FAM200B: variants seen among roughly 807,000 people sequenced by gnomAD.
FAM200B encodes zinc finger BED-type containing 11.
Under a neutral mutation model 33.1 loss-of-function variants are expected in FAM200B, and 32 were observed. That is an observed-to-expected ratio of 0.97 (90% CI 0.73 to 1.30). The LOEUF (loss-of-function observed/expected upper bound fraction) is 1.30. Among genes scored for constraint, FAM200B ranks in the 50% most tolerant of loss-of-function variants. FAM200B has a pLI of 0.00. For synonymous variants in FAM200B, 240 were observed against 264.8 expected (o/e 0.91, Z 0.91); for missense variants, 741 against 754.0 (o/e 0.98, Z 0.20).
chr4:15,681,871 GC>G lies in FAM200B; in HGVS notation c.-770del. On this transcript the variant is annotated 5_prime_UTR_variant, in exon 1 of 2. Coordinates refer to ENST00000422728, the MANE Select transcript of FAM200B (RefSeq NM_001145191.2). ...AGAGACCTGAGGCTTGCAGCGCTGGGCCCGGCCGGGTCGCTGCGGCTGGGCT... is the reference window on the plus strand; with the variant it reads ...AGAGACCTGAGGCTTGCAGCGCTGGGCCGGCCGGGTCGCTGCGGCTGGGCT... The G allele has an allele frequency of 6.5e-6, 1 of 153,264 alleles. No individual in the cohort carries two copies. The highest frequency in any genetic ancestry group is 1.9e-4 in the East Asian group (1 of 5,234). The allele number at this position is 153,264 out of a possible 1,614,324, so 9.5% of individuals were successfully genotyped here.
At chr4:15,638,451 G>A in the FAM200B span, 6 of 1,311,992 alleles carry the variant, frequency 4.6e-6, no homozygotes, top group African/African-American at 9.0e-5. Context: ...GTTCATATCA[G>A]TAAGATGTCA....
the FAM200B span, chr4:15,641,578 T>C: frequency 2.2e-6 from 1 of 457,172 alleles, no homozygotes; most frequent in Non-Finnish European, 4.4e-6. Flanking sequence ...AAATAATTGT[T>C]ATTCGATTGT....
the FAM200B span, among the ~76,000 whole-genome samples, chr4:15,653,012 C>T: frequency 6.6e-6 from 1 of 152,140 alleles, no homozygotes; most frequent in Non-Finnish European, 1.5e-5. Flanking sequence ...TTACAAAATA[C>T]TTATTTTCCA....
chr4:15,681,221 G>A (rs373295031), upstream of FAM200B: 1 of 152,144 alleles, frequency 6.6e-6, no homozygotes, highest in Non-Finnish European at 1.5e-5. Context: ...AAGTAAACAC[G>A]TGCAATGATA....
the FAM200B span, among the ~76,000 whole-genome samples, chr4:15,663,217 T>G: frequency 6.6e-6 from 1 of 152,222 alleles, no homozygotes; most frequent in Non-Finnish European, 1.5e-5. Flanking sequence ...GGTAATATTA[T>G]ACATTGATAA....
the FAM200B span, among the ~76,000 whole-genome samples, chr4:15,638,248 G>C: frequency 1.3e-5 from 2 of 152,104 alleles, no homozygotes. Flanking sequence ...CAATAATTTT[G>C]ATTCATTCAT....
At chr4:15,642,961 A>G in the FAM200B span, among the ~76,000 whole-genome samples, 5 of 152,014 alleles carry the variant, frequency 3.3e-5, no homozygotes, top group Admixed American at 6.6e-5. Flanking sequence ...ACATTCTATC[A>G]ATTTTATTTC....
Position 15,687,801 on chromosome 4 carries a change from A to C in FAM200B, c.824A>C (p.Glu275Ala). Residue 275 changes from glutamate (E) to alanine (A), a missense_variant, in exon 2 of 2, where the codon GAA becomes GCA. Transcript: ENST00000422728. ...CTAAGTGGATTAGATATTTTTACAG[A>C]ATTAGAAAGGCGCATAGTTGGCCAA... ...SHLSGLDIFT[E>A]LERRIVGQYK... The C allele has an allele frequency of 1.3e-6, 2 of 1,550,988 alleles. No homozygotes were observed.
the FAM200B span, among the ~76,000 whole-genome samples, chr4:15,646,670 A>C: frequency 6.6e-6 from 1 of 150,814 alleles, no homozygotes; most frequent in Admixed American, 6.6e-5. Context: ...AACATTAGGT[A>C]TATCTCCCAA....
chr4:15,680,655 G>C (rs1273524550), upstream of FAM200B, among the ~76,000 whole-genome samples: 1 of 151,898 alleles, frequency 6.6e-6, no homozygotes, highest in Non-Finnish European at 1.5e-5. Flanking sequence ...CAGCCTGGGC[G>C]AGAGAGTGAG....
chr4:15,643,551 G>A, the FAM200B span, among the ~76,000 whole-genome samples: 36,812 of 150,358 alleles, frequency 0.24, 4,681 homozygotes, highest in African/African-American at 0.29. Context: ...GATTACAGGC[G>A]CCTGCCACTA....
the FAM200B span, chr4:15,644,625 C>T: frequency 6.2e-7 from 1 of 1,614,032 alleles, no homozygotes; most frequent in Non-Finnish European, 8.5e-7. Context: ...TCTGCTCATG[C>T]ATTTTGAACT....
chr4:15,648,657 C>A, the FAM200B span, among the ~76,000 whole-genome samples: 1 of 152,092 alleles, frequency 6.6e-6, no homozygotes, highest in Non-Finnish European at 1.5e-5. Flanking sequence ...TATATGGAAT[C>A]TAAAGTAGAA....
At chr4:15,653,672 A>G in the FAM200B span, among the ~76,000 whole-genome samples, 1 of 152,114 alleles carries the variant, frequency 6.6e-6, no homozygotes, top group Non-Finnish European at 1.5e-5. Flanking sequence ...CTATTAAAGA[A>G]TGGTGTCTGA....
At chr4:15,681,745 C>G (rs1718295570), upstream of FAM200B, 2 of 153,088 alleles carry the variant, frequency 1.3e-5, no homozygotes, top group Admixed American at 6.5e-5. Flanking sequence ...GCGCAGAGGG[C>G]CGATCCAGTT....
Position 15,689,537 on chromosome 4 carries a change from G to C in FAM200B, c.*586G>C, listed in dbSNP as rs1172580521. On this transcript the variant is annotated 3_prime_UTR_variant, in exon 2 of 2. Transcript: ENST00000422728. ...ACCTGTAATCCCCGCACTTTGGCAG[G>C]CCATGGCAGAAGGCTCTGTTGAGCC... is the stretch of plus-strand genomic sequence containing the variant. 6.0e-6 allele frequency: 1 copy of C among 166,910 alleles called. No homozygotes were observed. Among genetic ancestry groups the C allele is most frequent in the Non-Finnish European group, 1.5e-5 (1 of 68,138 alleles). The allele number at this position is 166,910 out of a possible 1,614,324, so 10.3% of individuals were successfully genotyped here. A position where few individuals can be genotyped will look rare whatever the true frequency, so the allele number is the denominator to read the frequency against.
chr4:15,671,803 T>G, the FAM200B span, among the ~76,000 whole-genome samples: 1 of 152,234 alleles, frequency 6.6e-6, no homozygotes, highest in Non-Finnish European at 1.5e-5. Context: ...TTCAAACTCA[T>G]GAATCTTTTC....
At position 15,688,787 on chromosome 4, in the gene FAM200B, C is replaced by T. The variant is rs1297650396; in HGVS notation, c.1810C>T (p.Pro604Ser). The T allele has an allele frequency of 1.3e-6, 2 of 1,550,976 alleles. No individual in the cohort carries two copies. The highest frequency in any genetic ancestry group is 4.9e-5 in the East Asian group (2 of 40,904). ...TAGAAAGAGTGTCCTGCTATTGCTA[C>T]CATTCACAACAACTAGTTTGTGTGA... ...LSRKSVLLLL[P>S]FTTTSLCELG... Residue 604 changes from proline (P) to serine (S), a missense_variant, in exon 2 of 2, where the codon CCA (proline) becomes TCA (serine). Transcript: ENST00000422728.
Position 15,686,796 on chromosome 4 carries a change from A to G in FAM200B, c.-182A>G, listed in dbSNP as rs79078249. ...TTCATAATAGCACGGTTAATGTTCT[A>G]TAGTCAAGTTTTATATTACAATTAC... On this transcript the variant is annotated 5_prime_UTR_variant, in exon 2 of 2. Transcript: ENST00000422728. 7.0e-4 allele frequency: 282 copies of G among 401,860 alleles called. 2 individuals carry two copies. The East Asian group carries it at 9.3e-3, about 13-fold the overall frequency. The allele number at this position is 401,860 out of a possible 1,614,324, so 24.9% of individuals were successfully genotyped here. A position where few individuals can be genotyped will look rare whatever the true frequency, so the allele number is the denominator to read the frequency against.
Sources: gnomAD v4.1 joint callset for allele counts (sites outside exome capture counted in the v4.1 genomes callset) on GRCh38, gnomAD v4.1.1 for gene constraint, MANE v1.5 for transcripts, NCBI Gene and HGNC (gene_info 2026-07-23, HGNC 2026-07-21) for gene names.